The following COL23A1 variants were observed in gnomAD, a reference collection of about 807,000 sequenced individuals.
COL23A1 encodes the protein collagen type XXIII alpha 1 chain.
In COL23A1, 97 loss-of-function variants were observed where a neutral mutation model predicts 99.3. That is an observed-to-expected ratio of 0.98 (90% confidence interval 0.83 to 1.16). COL23A1 has a LOEUF of 1.16. COL23A1 is among the 50% of genes most tolerant of loss of function. The pLI is 0.00. For synonymous variants in COL23A1, 320 were observed against 308.2 expected (o/e 1.04, Z -0.40); for missense variants, 762 against 757.4 (o/e 1.01, Z -0.07).
At position 178,306,909 on chromosome 5, in the gene COL23A1, T is replaced by C; in HGVS notation, c.372A>G (p.Gly124=). ...CTCTTCTCCCAGGCTTGCCGCGCCG[T>C]CCAGGGGGCCCTAGACAGGAAAACA... ...SECVCPPGPP[G]RRGKPGRRGD... Residue 124 remains glycine, a synonymous_variant, in exon 3 of 29, where the codon GGA becomes GGG. Coordinates refer to ENST00000390654, the MANE Select transcript of COL23A1 (RefSeq NM_173465.4). This position sits in a 1 kb window ranked among gnomAD's most constrained non-coding sequence, Gnocchi z 4.1. The C allele has an allele frequency of 1.3e-6, 2 of 1,541,718 alleles. No homozygotes were observed. Among genetic ancestry groups the C allele is most frequent in the African/African-American group, 1.4e-5 (1 of 71,114 alleles).
At chr5:178,577,927 C>T (rs1271888360) in intron 1 of COL23A1, among the ~76,000 whole-genome samples, 1 of 152,222 alleles carries the variant, frequency 6.6e-6, no homozygotes, top group African/African-American at 2.4e-5. Flanking sequence ...GACACTTGGA[C>T]GGGATAACTT....
chr5:178,578,088 CAT>C (rs1244594998), intron 1 of COL23A1, among the ~76,000 whole-genome samples: 3 of 150,480 alleles, frequency 2.0e-5, no homozygotes, highest in African/African-American at 5.0e-5. Flanking sequence ...TGCACACACA[CAT>C]GCATGCACAC....
At chr5:178,537,291 G>A (rs1761024913) in intron 2 of COL23A1, among the ~76,000 whole-genome samples, 1 of 152,244 alleles carries the variant, frequency 6.6e-6, no homozygotes, top group South Asian at 2.1e-4. Context: ...CTCAGGGTCT[G>A]CCAGTGTGGG....
intron 2 of COL23A1, among the ~76,000 whole-genome samples, chr5:178,441,759 G>A (rs1766880603): frequency 6.6e-6 from 1 of 152,096 alleles, no homozygotes. Context: ...TCAGCATTTG[G>A]CTCTACCACA....
At chr5:178,451,674 A>AT (rs1399823501) in intron 2 of COL23A1, among the ~76,000 whole-genome samples, 4 of 151,672 alleles carry the variant, frequency 2.6e-5, no homozygotes, top group Admixed American at 2.6e-4. Flanking sequence ...AAAAAAAAAA[A>AT]AATTAACACG....
At chr5:178,424,966 A>G (rs1272797872) in intron 2 of COL23A1, among the ~76,000 whole-genome samples, 1 of 152,198 alleles carries the variant, frequency 6.6e-6, no homozygotes, top group Non-Finnish European at 1.5e-5. Context: ...ACTGTCAGGG[A>G]AGCGAGCGCC....
chr5:178,492,600 A>T (rs1757989473), intron 2 of COL23A1, among the ~76,000 whole-genome samples: 1 of 151,998 alleles, frequency 6.6e-6, no homozygotes, highest in Admixed American at 6.6e-5. Context: ...GAAGCGCTGC[A>T]GTGATCCATG....
chr5:178,244,660 G>A (rs1764577598), intron 25 of COL23A1, among the ~76,000 whole-genome samples: 1 of 152,224 alleles, frequency 6.6e-6, no homozygotes, highest in Non-Finnish European at 1.5e-5. Context: ...AGACAAGACA[G>A]GGTGAAAGGC....
chr5:178,420,429 TCCCCC>T (rs1561955983), intron 2 of COL23A1, among the ~76,000 whole-genome samples: 5 of 70,686 alleles, frequency 7.1e-5, no homozygotes, highest in African/African-American at 1.7e-4. Flanking sequence ...CCTTCTCCCC[TCCCCC>T]GCTCTTTCCT....
chr5:178,328,781 T>G (rs569760197), intron 2 of COL23A1, among the ~76,000 whole-genome samples: 33 of 152,248 alleles, frequency 2.2e-4, no homozygotes, highest in African/African-American at 7.9e-4. Flanking sequence ...TAGACGGTTA[T>G]AGAGGTAACG....
At chr5:178,268,877 A>T in intron 6 of COL23A1, 121 bp from the exon 7 acceptor site, 1 of 958,744 alleles carries the variant, frequency 1.0e-6, no homozygotes, top group South Asian at 2.0e-5. Context: ...TGAGTGGAAA[A>T]TTACACATGA....
rs1297808764 is a variant in COL23A1, at chr5:178,307,188, C to T, written c.362-269G>A. On this transcript the variant is annotated intron_variant, in intron 2 of 28. Transcript: ENST00000390654. This position sits in a 1 kb window ranked among gnomAD's most constrained non-coding sequence, Gnocchi z 4.2. ...ATTCTGTCATTCAATCATCGGCTCA[C>T]TCAGTCATTCCTAAGCCCTCCCCTA... is the stretch of plus-strand genomic sequence containing the variant. 3.3e-5 allele frequency among the ~76,000 whole-genome samples: 5 copies of T among 152,208 alleles called. No individual in the cohort carries two copies. Among genetic ancestry groups the T allele is most frequent in the African/African-American group, 7.2e-5 (3 of 41,444 alleles).
intron 2 of COL23A1, among the ~76,000 whole-genome samples, chr5:178,554,722 A>G (rs1762178437): frequency 6.6e-6 from 1 of 152,102 alleles, no homozygotes; most frequent in South Asian, 2.1e-4. Context: ...GAATGGTCAC[A>G]TGATCCACCA....
intron 2 of COL23A1, among the ~76,000 whole-genome samples, chr5:178,554,044 G>A (rs1008683797): frequency 6.6e-6 from 1 of 152,168 alleles, no homozygotes; most frequent in Non-Finnish European, 1.5e-5. Flanking sequence ...GTGGAAAACC[G>A]AGGCACAAGG....
At chr5:178,548,956 G>A (rs138418493) in intron 2 of COL23A1, among the ~76,000 whole-genome samples, 1 of 152,182 alleles carries the variant, frequency 6.6e-6, no homozygotes, top group East Asian at 1.9e-4. Flanking sequence ...TTGTAGAAAC[G>A]ACAGTCACAG....
At chr5:178,507,338 T>C (rs1326478952) in intron 2 of COL23A1, among the ~76,000 whole-genome samples, 1 of 152,188 alleles carries the variant, frequency 6.6e-6, no homozygotes, top group Admixed American at 6.5e-5. Flanking sequence ...TTCCGATCTT[T>C]AGCTTTACAA....
intron 2 of COL23A1, among the ~76,000 whole-genome samples, chr5:178,543,256 C>T (rs1761395030): frequency 6.6e-6 from 1 of 152,064 alleles, no homozygotes; most frequent in African/African-American, 2.4e-5. Flanking sequence ...TACAGGCATG[C>T]ACCACCACAC....
intron 2 of COL23A1, among the ~76,000 whole-genome samples, chr5:178,480,221 G>T (rs1757260365): frequency 1.3e-5 from 2 of 151,830 alleles, no homozygotes; most frequent in African/African-American, 4.8e-5. Flanking sequence ...GATGATAATT[G>T]TTGAAGCTGG....
At chr5:178,472,431 C>T (rs926550779) in intron 2 of COL23A1, among the ~76,000 whole-genome samples, 1 of 152,142 alleles carries the variant, frequency 6.6e-6, no homozygotes, top group African/African-American at 2.4e-5. Context: ...GGTTCTACTC[C>T]AAGAAAGTCT....
Sources: gnomAD v4.1 joint callset for allele counts (sites outside exome capture counted in the v4.1 genomes callset) on GRCh38, gnomAD v4.1.1 for gene constraint, Gnocchi (gnomAD v3.1) non-coding constraint, MANE v1.5 for transcripts, NCBI Gene and HGNC (gene_info 2026-07-23, HGNC 2026-07-21) for gene names.